The following VAV3 variants were observed in gnomAD, a reference collection of about 807,000 sequenced individuals.
VAV3 encodes guanine nucleotide exchange factor VAV3.
In VAV3, 94 loss-of-function variants were observed where a neutral mutation model predicts 131.2. The ratio of observed to expected loss-of-function variants is 0.72; its 90% CI spans 0.61 to 0.85. VAV3 has a LOEUF of 0.85. VAV3 is among the 40% of genes least tolerant of loss of function. The probability of loss-of-function intolerance (pLI) is 0.00; values close to 1 mark genes in which losing one functional copy is unlikely to be tolerated. For missense variants in VAV3, 939 were observed against 1,002.7 expected, an observed-to-expected ratio of 0.94 and a Z score of 0.86; for synonymous variants, 349 against 342.0, an observed-to-expected ratio of 1.02 and a Z score of -0.22.
intron 1 of VAV3, among the ~76,000 whole-genome samples, chr1:107,930,583 T>C (rs1673382708): frequency 6.6e-6 from 1 of 152,228 alleles, no homozygotes; most frequent in African/African-American, 2.4e-5. Flanking sequence ...GAAAAGATTC[T>C]TCTTTACAAA....
intron 9 of VAV3, among the ~76,000 whole-genome samples, chr1:107,762,099 G>A (rs992463363): frequency 2.2e-5 from 3 of 138,066 alleles, no homozygotes; most frequent in East Asian, 2.2e-4. Context: ...TGTTTCTCAC[G>A]TAACTATGGT....
At chr1:107,757,419 T>A in intron 10 of VAV3, 90 bp from the exon 11 acceptor site, 8 of 1,105,052 alleles carry the variant, frequency 7.2e-6, no homozygotes, top group Non-Finnish European at 1.0e-5. Flanking sequence ...ACCATTATTA[T>A]TGGTTTTCTC....
Position 107,704,550 on chromosome 1 carries a change from C to T in VAV3, c.1705G>A (p.Glu569Lys). 2 of 1,611,046 alleles carry T rather than the reference C, an allele frequency of 1.2e-6. No individual in the cohort carries two copies. The highest frequency in any genetic ancestry group is 8.5e-7 in the Non-Finnish European group (1 of 1,177,886). Residue 569 changes from glutamate (E) to lysine (K), a missense_variant and splice_region_variant, in exon 17 of 27, where the codon GAA becomes AAA. Transcript: ENST00000370056. Reference sequence around the variant, plus strand: ...AATTGCAACAATAAACATGACTTACCACCAGAATTAACTCTGCCACAATTG... The same window carrying T: ...AATTGCAACAATAAACATGACTTACTACCAGAATTAACTCTGCCACAATTG... ...VDNCGRVNSG[E>K]QGTLKLPEKR...
At chr1:107,836,575 G>A (rs1296264638) in intron 2 of VAV3, among the ~76,000 whole-genome samples, 6 of 151,990 alleles carry the variant, frequency 3.9e-5, no homozygotes, top group Non-Finnish European at 8.8e-5. Flanking sequence ...TAAAATCAGC[G>A]AAGAACTAAA....
At chr1:107,781,700 G>T (rs946278436) in intron 2 of VAV3, among the ~76,000 whole-genome samples, 1 of 152,034 alleles carries the variant, frequency 6.6e-6, no homozygotes, top group African/African-American at 2.4e-5. Flanking sequence ...TGTGAGACTA[G>T]AAAAAGAAAA....
intron 15 of VAV3, among the ~76,000 whole-genome samples, chr1:107,748,257 G>A (rs1296699574): frequency 2.0e-5 from 3 of 152,022 alleles, no homozygotes; most frequent in South Asian, 2.1e-4. Flanking sequence ...TTTATTTCAG[G>A]GTATCCTATA....
At chr1:107,617,512 A>C (rs914254344) in intron 21 of VAV3, 55 bp downstream of exon 21, 1 of 1,520,118 alleles carries the variant, frequency 6.6e-7, no homozygotes, top group African/African-American at 1.4e-5. Context: ...TGCACAATTA[A>C]TCACAGGATC....
intron 1 of VAV3, among the ~76,000 whole-genome samples, chr1:107,943,600 G>A (rs954951621): frequency 2.6e-5 from 4 of 152,076 alleles, no homozygotes; most frequent in Admixed American, 6.6e-5. Flanking sequence ...AAATTAGCTG[G>A]GCATGGTGGC....
intron 2 of VAV3, among the ~76,000 whole-genome samples, chr1:107,840,582 C>T (rs1378256830): frequency 6.6e-6 from 1 of 152,116 alleles, no homozygotes; most frequent in Non-Finnish European, 1.5e-5. Flanking sequence ...ATTTCACAGC[C>T]TTTCTATGAT....
chr1:107,878,154 T>G (rs1050143172), intron 1 of VAV3, among the ~76,000 whole-genome samples: 1 of 152,182 alleles, frequency 6.6e-6, no homozygotes, highest in African/African-American at 2.4e-5. Context: ...CTTTATATAT[T>G]TATAAATGTA....
chr1:107,655,837 G>T (rs531734377), intron 19 of VAV3, among the ~76,000 whole-genome samples: 1 of 152,042 alleles, frequency 6.6e-6, no homozygotes, highest in African/African-American at 2.4e-5. Flanking sequence ...TCGTCAACAG[G>T]TATATGAAAA....
chr1:107,589,997 T>C (rs773597897), intron 25 of VAV3, among the ~76,000 whole-genome samples: 132 of 152,232 alleles, frequency 8.7e-4, no homozygotes, highest in Non-Finnish European at 1.7e-3. Context: ...CCCAAAATAC[T>C]GACTAAAAAT....
In VAV3 at chr1:107,782,741, C is replaced by T. The variant is rs17020022; in HGVS notation, c.322-3249G>A. Among the ~76,000 whole-genome samples the T allele has an allele frequency of 7.7e-3, 1,173 of 152,222 alleles. 10 individuals carry two copies. Among genetic ancestry groups the T allele is most frequent in the East Asian group, 0.016 (81 of 5,178 alleles). On this transcript the variant is annotated intron_variant, in intron 2 of 26. Coordinates refer to ENST00000370056, the MANE Select transcript of VAV3 (RefSeq NM_006113.5). ...TAGAACAATGTGTATTCTATAAAGG[C>T]GAAGCGTATCCGGATTTGGAATAGA...
rs571818939 is a variant in VAV3, at chr1:107,621,394, G to A, written c.1915-3762C>T. On this transcript the variant is annotated intron_variant, in intron 20 of 26. Transcript: ENST00000370056. The stretch of plus-strand genomic sequence containing the variant: ...AGATAGCTATCCTACAACATTTGGA[G>A]AATTCAAAACAAAGTAGTGTGTAGG... Among the ~76,000 whole-genome samples, 4 of 151,916 alleles carry A rather than the reference G, an allele frequency of 2.6e-5. No homozygotes were observed. The East Asian group carries it at 5.8e-4, about 22-fold the overall frequency.
Position 107,875,022 on chromosome 1 carries a change from G to A in VAV3, c.205-5C>T, listed in dbSNP as rs1339755001. 10 of 1,610,444 alleles carry A rather than the reference G, an allele frequency of 6.2e-6. No individual in the cohort carries two copies. The highest frequency in any genetic ancestry group is 7.6e-6 in the Non-Finnish European group (9 of 1,177,150). On this transcript the variant is annotated splice_polypyrimidine_tract_variant and splice_region_variant and intron_variant, in intron 1 of 26. Transcript: ENST00000370056. ...TATGTTCTTCAAACAGAGAAACTGA[G>A]GAATGGAAAAGAGCTGTTAGCATAA...
chr1:107,897,663 G>A (rs754310040), intron 1 of VAV3, among the ~76,000 whole-genome samples: 6 of 152,084 alleles, frequency 3.9e-5, no homozygotes, highest in Non-Finnish European at 7.4e-5. Flanking sequence ...CGGTAACTCA[G>A]TAAGTGCATA....
chr1:107,869,496 C>A (rs1468859994), intron 2 of VAV3, among the ~76,000 whole-genome samples: 2 of 152,058 alleles, frequency 1.3e-5, no homozygotes, highest in East Asian at 1.9e-4. Flanking sequence ...TTGACATACA[C>A]AATTTCATTT....
chr1:107,906,167 T>C (rs893530742), intron 1 of VAV3, among the ~76,000 whole-genome samples: 4 of 152,204 alleles, frequency 2.6e-5, no homozygotes, highest in Non-Finnish European at 4.4e-5. Flanking sequence ...TCTTCCAGCA[T>C]TCCCTGTTTA....
At chr1:107,788,920 A>G (rs980186243) in intron 2 of VAV3, among the ~76,000 whole-genome samples, 16 of 152,260 alleles carry the variant, frequency 1.1e-4, no homozygotes, top group South Asian at 6.2e-4. Context: ...AAGAATGGGA[A>G]TGTATTTACA....
Sources: allele counts gnomAD v4.1 joint callset (sites outside exome capture counted in the v4.1 genomes callset), GRCh38; gene constraint gnomAD v4.1.1; transcripts MANE v1.5; gene names NCBI Gene and HGNC (gene_info 2026-07-23, HGNC 2026-07-21).